CXCL13: variants seen among roughly 807,000 people sequenced by gnomAD.
The protein encoded by CXCL13 is C-X-C motif chemokine ligand 13, also known as C-X-C motif chemokine 13.
Under a neutral mutation model 12.2 loss-of-function variants are expected in CXCL13, and 7 were observed. The observed-to-expected ratio is 0.57, with a 90% confidence interval of 0.33 to 1.07. The LOEUF (loss-of-function observed/expected upper bound fraction) is 1.07. Ranked by LOEUF, CXCL13 falls within the 50% of genes least tolerant of loss-of-function variation. CXCL13 has a pLI of 0.04. For synonymous variants in CXCL13, 47 were observed against 42.4 expected, an observed-to-expected ratio of 1.11 and a Z score of -0.42; for missense variants, 113 against 127.4, an observed-to-expected ratio of 0.89 and a Z score of 0.55.
chr4:77,570,632 G>A (rs1483622100), intron 1 of CXCL13, among the ~76,000 whole-genome samples: 1 of 152,216 alleles, frequency 6.6e-6, no homozygotes, highest in Non-Finnish European at 1.5e-5. Context: ...CAAGGCCAGA[G>A]CCGGCTCCCT....
chr4:77,516,398 G>T (rs1056571448), intron 1 of CXCL13, among the ~76,000 whole-genome samples: 10 of 152,170 alleles, frequency 6.6e-5, no homozygotes, highest in Admixed American at 5.9e-4. Context: ...GTTCCTCCTT[G>T]TACCTCTGGT....
At chr4:77,534,231 A>G (rs982107599) in intron 1 of CXCL13, among the ~76,000 whole-genome samples, 5 of 152,190 alleles carry the variant, frequency 3.3e-5, no homozygotes, top group African/African-American at 1.2e-4. Context: ...CATATGACCT[A>G]GCAATTGCAC....
At position 77,573,705 on chromosome 4, in the gene CXCL13, A is replaced by G. The variant is rs1177447027; in HGVS notation, c.-42-32119A>G. Among the ~76,000 whole-genome samples the G allele has an allele frequency of 5.3e-5, 8 of 152,102 alleles. No homozygotes were observed. In the East Asian group the frequency reaches 1.3e-3, roughly 26 times the overall value. On this transcript the variant is annotated intron_variant, in intron 1 of 4. Coordinates refer to the CXCL13 transcript ENST00000286758. ...GGAAAAACAACATGGCACTCACTTC[A>G]TGCTATAGCTCAGTAGCTAAGGCTT...
chr4:77,574,852 A>T (rs1341644287), intron 1 of CXCL13, among the ~76,000 whole-genome samples: 1 of 152,004 alleles, frequency 6.6e-6, no homozygotes, highest in Non-Finnish European at 1.5e-5. Flanking sequence ...TAAAGGGAAG[A>T]TAAAAGCTGT....
chr4:77,515,255 T>C (rs899034509), intron 1 of CXCL13, among the ~76,000 whole-genome samples: 3 of 152,222 alleles, frequency 2.0e-5, no homozygotes, highest in Non-Finnish European at 4.4e-5. Context: ...CCTCCAGCTT[T>C]GTTCTTTTGG....
At chr4:77,515,745 A>G (rs557387836) in intron 1 of CXCL13, among the ~76,000 whole-genome samples, 1 of 152,206 alleles carries the variant, frequency 6.6e-6, no homozygotes, top group Non-Finnish European at 1.5e-5. Context: ...CCATCATGTC[A>G]TCTGCCAACA....
At chr4:77,566,143 A>C (rs961409990) in intron 1 of CXCL13, among the ~76,000 whole-genome samples, 1 of 152,196 alleles carries the variant, frequency 6.6e-6, no homozygotes, top group African/African-American at 2.4e-5. Context: ...ATATAATTCT[A>C]ATAAAAGTAT....
At chr4:77,555,996 T>C (rs1345655936) in intron 1 of CXCL13, among the ~76,000 whole-genome samples, 1 of 152,212 alleles carries the variant, frequency 6.6e-6, no homozygotes, top group Non-Finnish European at 1.5e-5. Context: ...AACTCTCTCA[T>C]ATATTGCTGA....
At position 77,593,307 on chromosome 4, in the gene CXCL13, C is replaced by T. The variant is rs1207693646; in HGVS notation, c.-42-12517C>T. Among the ~76,000 whole-genome samples, 20 of 152,222 alleles carry T rather than the reference C, an allele frequency of 1.3e-4. No individual in the cohort carries two copies. The East Asian group carries it at 3.8e-3, about 29-fold the overall frequency. On this transcript the variant is annotated intron_variant, in intron 1 of 4. Transcript: ENST00000286758. ...TAAAAGCCAACAAGGCTTGAAAGAA[C>T]AGAATCACTTCCAATTTATGGTAAG... is the stretch of plus-strand genomic sequence containing the variant.
In CXCL13 at chr4:77,535,427, A is replaced by G. The variant is rs192885029; in HGVS notation, c.-43+23639A>G. ...AATCTTGCGACCCATTGTATTTTCCAAAGATGACTGCAAAATCATTCTCAT... is the reference window on the plus strand; with the variant it reads ...AATCTTGCGACCCATTGTATTTTCCGAAGATGACTGCAAAATCATTCTCAT... On this transcript the variant is annotated intron_variant, in intron 1 of 4. Transcript: ENST00000286758. 2.0e-5 allele frequency among the ~76,000 whole-genome samples: 3 copies of G among 152,330 alleles called. No homozygotes were observed. The East Asian group carries it at 5.8e-4, about 29-fold the overall frequency.
intron 2 of CXCL13, among the ~76,000 whole-genome samples, chr4:77,608,886 G>C (rs1727078317): frequency 6.6e-6 from 1 of 152,152 alleles, no homozygotes. Flanking sequence ...CATTTCCTCT[G>C]TCATGACTGG....
Position 77,605,924 on chromosome 4 carries a change from T to C in CXCL13, c.59T>C (p.Val20Ala), listed in dbSNP as rs760469717. ...CTGCTGGTCAGCAGCCTCTCTCCAG[T>C]CCAAGGTGAGAAATTTCATTTACAT... Reference protein sequence around the residue: ...LMLLVSSLSPVQGVLEVYYTS... With the variant: ...LMLLVSSLSPAQGVLEVYYTS... The change falls in exon 1 of 4, where the codon GTC becomes GCC. Residue 20 changes from valine (V) to alanine (A), a missense_variant. By Grantham distance (64) the Val-to-Ala change is moderately conservative. Coordinates refer to ENST00000682537, the MANE Select transcript of CXCL13 (RefSeq NM_001371558.1). 1 of 1,595,254 alleles carries C rather than the reference T, an allele frequency of 6.3e-7. No individual in the cohort carries two copies. The highest frequency in any genetic ancestry group is 8.6e-7 in the Non-Finnish European group (1 of 1,166,326).
chr4:77,565,850 T>G (rs912629148), intron 1 of CXCL13, among the ~76,000 whole-genome samples: 1 of 152,230 alleles, frequency 6.6e-6, no homozygotes, highest in African/African-American at 2.4e-5. Context: ...GGTTTGGCCT[T>G]AAAGAAACTG....
At chr4:77,565,452 T>A (rs1244548178) in intron 1 of CXCL13, among the ~76,000 whole-genome samples, 2 of 152,222 alleles carry the variant, frequency 1.3e-5, no homozygotes, top group Non-Finnish European at 2.9e-5. Context: ...GCCACAGACT[T>A]GTTCACTAAC....
intron 1 of CXCL13, among the ~76,000 whole-genome samples, chr4:77,535,835 T>G (rs1446470182): frequency 6.6e-6 from 1 of 152,182 alleles, no homozygotes; most frequent in African/African-American, 2.4e-5. Context: ...AAAGCCACCT[T>G]CAGCATTTGA....
chr4:77,566,640 GT>G (rs1249912576), intron 1 of CXCL13, among the ~76,000 whole-genome samples: 2 of 151,856 alleles, frequency 1.3e-5, no homozygotes, highest in African/African-American at 4.8e-5. Flanking sequence ...TGTAGCTTTT[GT>G]TTCTCTTAGT....
intron 1 of CXCL13, among the ~76,000 whole-genome samples, chr4:77,563,977 G>C (rs1171042358): frequency 6.6e-6 from 1 of 152,126 alleles, no homozygotes. Flanking sequence ...GGCCAGTTTC[G>C]AGGGCATGTG....
intron 1 of CXCL13, among the ~76,000 whole-genome samples, chr4:77,587,752 G>A (rs944775941): frequency 3.3e-5 from 5 of 152,234 alleles, no homozygotes; most frequent in African/African-American, 9.6e-5. Context: ...GTCGAAGTCA[G>A]TCTGTCTTTT....
At chr4:77,517,324 C>T (rs1387149893) in intron 1 of CXCL13, among the ~76,000 whole-genome samples, 3 of 152,158 alleles carry the variant, frequency 2.0e-5, no homozygotes, top group Non-Finnish European at 2.9e-5. Context: ...CTGTTAGGTC[C>T]ACTTGGTGCA....
Sources: gnomAD v4.1 joint callset for allele counts (sites outside exome capture counted in the v4.1 genomes callset) on GRCh38, gnomAD v4.1.1 for gene constraint, MANE v1.5 for transcripts, NCBI Gene and HGNC (gene_info 2026-07-23, HGNC 2026-07-21) for gene names.